Variants in LYST observed in about 807,000 individuals in gnomAD.
LYST encodes lysosomal-trafficking regulator.
Under a neutral mutation model 413.6 loss-of-function variants are expected in LYST, and 192 were observed. That is an observed-to-expected ratio of 0.46 (90% CI 0.41 to 0.52). The LOEUF (loss-of-function observed/expected upper bound fraction) is 0.52. Among genes scored for constraint, LYST ranks in the 20% least tolerant of loss-of-function variants. LYST has a pLI of 0.00. For synonymous variants in LYST, 1,525 were observed against 1,567.3 expected, an observed-to-expected ratio of 0.97 and a Z score of 0.64; for missense variants, 3,815 against 4,499.9, an observed-to-expected ratio of 0.85 and a Z score of 4.35.
Position 235,793,545 on chromosome 1 carries a change from T to C in LYST, c.4074A>G (p.Leu1358=). ...LMSSRTCSEE[L]TLLLRIFLEK... ...CCAGAAATATTCTCAAAAGAAGGGT[T>C]AGCTCTTCTGAACATGTTCTTGAAC... The change falls in exon 11 of 53, where the codon CTA becomes CTG. Residue 1358 remains leucine, a synonymous_variant. Transcript: ENST00000389793. The C allele has an allele frequency of 6.3e-7, 1 of 1,595,030 alleles. No homozygotes were observed. The highest frequency in any genetic ancestry group is 8.6e-7 in the Non-Finnish European group (1 of 1,165,044).
At chr1:235,779,782 T>TCAA (rs776444896) in intron 16 of LYST, among the ~76,000 whole-genome samples, 1 of 151,924 alleles carries the variant, frequency 6.6e-6, no homozygotes, top group Non-Finnish European at 1.5e-5. Flanking sequence ...TCCCCGCAAC[T>TCAA]CAACAACAAC....
intron 43 of LYST, among the ~76,000 whole-genome samples, chr1:235,710,702 G>T (rs1047301611): frequency 6.6e-6 from 1 of 152,194 alleles, no homozygotes; most frequent in Non-Finnish European, 1.5e-5. Flanking sequence ...AATCTGGGAA[G>T]ACACTTGTGA....
chr1:235,863,686 G>T (rs897684505), intron 1 of LYST, among the ~76,000 whole-genome samples: 1 of 152,112 alleles, frequency 6.6e-6, no homozygotes. Context: ...TGGTCCAAAA[G>T]AATTAAGAAG....
rs1282120719 is a variant in LYST, at chr1:235,854,230, C to T, written c.-98+12613G>A. 6.6e-6 allele frequency among the ~76,000 whole-genome samples: 1 copy of T among 152,184 alleles called. No homozygotes were observed. The highest frequency in any genetic ancestry group is 1.9e-4 in the East Asian group (1 of 5,194). On this transcript the variant is annotated intron_variant, in intron 1 of 52. Coordinates refer to ENST00000389793, the MANE Select transcript of LYST (RefSeq NM_000081.4). The surrounding 1 kb of genome is among the most constrained non-coding windows in gnomAD (Gnocchi z 4.1). ...TAGTTAGTTTAATCCTCCTAACAAT[C>T]TCCTAAGTAACATTATTATCCCTAG...
intron 3 of LYST, among the ~76,000 whole-genome samples, chr1:235,829,228 T>G (rs976654998): frequency 1.3e-5 from 2 of 152,164 alleles, no homozygotes; most frequent in African/African-American, 4.8e-5. Flanking sequence ...AACCTACAAA[T>G]GTCCTGAAAA....
chr1:235,854,007 C>T lies in LYST; in HGVS notation c.-98+12836G>A, dbSNP rs1678872705. Among the ~76,000 whole-genome samples the T allele has an allele frequency of 6.6e-6, 1 of 152,078 alleles. No homozygotes were observed. Among genetic ancestry groups the T allele is most frequent in the South Asian group, 2.1e-4 (1 of 4,818 alleles). The stretch of plus-strand genomic sequence containing the variant: ...ATTTAAAGGAACTATGAAGGTTCAT[C>T]CAGGTAAATCATCTCCCCGGCTTTC... On this transcript the variant is annotated intron_variant, in intron 1 of 52. Transcript: ENST00000389793. This position sits in a 1 kb window ranked among gnomAD's most constrained non-coding sequence, Gnocchi z 4.1.
At chr1:235,724,319 T>C (rs187410791) in intron 38 of LYST, 139 bp from the exon 39 acceptor site, 2 of 686,446 alleles carry the variant, frequency 2.9e-6, no homozygotes, top group African/African-American at 1.8e-5. Context: ...CTGAAAACTC[T>C]CCCAATGCAA....
chr1:235,838,348 AG>A (rs1676804350), intron 1 of LYST, among the ~76,000 whole-genome samples: 1 of 152,192 alleles, frequency 6.6e-6, no homozygotes, highest in African/African-American at 2.4e-5. Context: ...CATGTTCCCA[AG>A]TATAGAATGG....
chr1:235,724,225 T>A (rs1273168402), intron 38 of LYST, 45 bp from the exon 39 acceptor site: 2 of 1,486,506 alleles, frequency 1.3e-6, no homozygotes, highest in South Asian at 1.2e-5. Context: ...ACCGGAAATA[T>A]AAATAATTAC....
At chr1:235,678,028 C>T (rs2103037595) in intron 48 of LYST, among the ~76,000 whole-genome samples, 1 of 152,174 alleles carries the variant, frequency 6.6e-6, no homozygotes, top group South Asian at 2.1e-4. Flanking sequence ...TTGATAGACA[C>T]TTAAAATTGT....
chr1:235,801,015 T>A lies in LYST; in HGVS notation c.3795A>T (p.Glu1265Asp). 2.5e-6 allele frequency: 4 copies of A among 1,613,784 alleles called. No homozygotes were observed. The highest frequency in any genetic ancestry group is 3.4e-6 in the Non-Finnish European group (4 of 1,179,784). The change falls in exon 9 of 53, where the codon GAA becomes GAT. Residue 1265 changes from glutamate to aspartate, a missense_variant. Coordinates refer to ENST00000389793, the MANE Select transcript of LYST (RefSeq NM_000081.4). Reference sequence around the variant, plus strand: ...GCATACAAATCTCAGGATAAATTATTTCCCCTTGAGTGAGGTTTTCGAGTA... The same window carrying A: ...GCATACAAATCTCAGGATAAATTATATCCCCTTGAGTGAGGTTTTCGAGTA... Reference protein sequence around the residue: ...NDLLENLTQGEIIYPEICMLE... With the variant: ...NDLLENLTQGDIIYPEICMLE...
chr1:235,830,085 T>C (rs1675780783), intron 3 of LYST, 141 bp downstream of exon 3: 4 of 648,276 alleles, frequency 6.2e-6, no homozygotes, highest in Admixed American at 2.6e-5. Flanking sequence ...TATAAATAGG[T>C]CCACTTTTTT....
At chr1:235,802,830 T>C (rs1400223234) in intron 8 of LYST, 78 bp downstream of exon 8, 31 of 1,337,322 alleles carry the variant, frequency 2.3e-5, no homozygotes, top group Non-Finnish European at 3.3e-5. Flanking sequence ...AATTCTAAAG[T>C]GGTATTATTA....
intron 44 of LYST, among the ~76,000 whole-genome samples, chr1:235,706,588 T>C (rs2103111687): frequency 6.6e-6 from 1 of 152,330 alleles, no homozygotes; most frequent in South Asian, 2.1e-4. Context: ...ATCTGGGTTT[T>C]TGTTTTTCTT....
At chr1:235,670,379 C>G (rs989988911) in intron 50 of LYST, among the ~76,000 whole-genome samples, 2 of 152,176 alleles carry the variant, frequency 1.3e-5, no homozygotes, top group African/African-American at 4.8e-5. Flanking sequence ...AGTAAATGTG[C>G]CTTGCTGAGA....
At chr1:235,717,102 G>T (rs774441008) in intron 40 of LYST, among the ~76,000 whole-genome samples, 2 of 152,188 alleles carry the variant, frequency 1.3e-5, no homozygotes, top group Non-Finnish European at 2.9e-5. Flanking sequence ...GCTCGTGGGA[G>T]CAGATTCCTA....
intron 8 of LYST, among the ~76,000 whole-genome samples, chr1:235,802,371 C>T (rs540344915): frequency 5.3e-5 from 8 of 152,124 alleles, no homozygotes; most frequent in South Asian, 4.2e-4. Context: ...ATAGTTCCAT[C>T]CTAAAGACAA....
chr1:235,685,962 T>C (rs990525417), intron 48 of LYST, among the ~76,000 whole-genome samples: 12 of 151,372 alleles, frequency 7.9e-5, no homozygotes, highest in African/African-American at 2.7e-4. Context: ...ATAAAGAAAA[T>C]TATAATGGAA....
chr1:235,842,432 C>G (rs926970245), intron 1 of LYST, among the ~76,000 whole-genome samples: 2 of 152,124 alleles, frequency 1.3e-5, no homozygotes, highest in African/African-American at 4.8e-5. Flanking sequence ...AAGGTCCTTG[C>G]AGTTAAGTAA....
Sources: gnomAD v4.1 joint callset for allele counts (sites outside exome capture counted in the v4.1 genomes callset) on GRCh38, gnomAD v4.1.1 for gene constraint, Gnocchi (gnomAD v3.1) non-coding constraint, MANE v1.5 for transcripts, NCBI Gene and HGNC (gene_info 2026-07-23, HGNC 2026-07-21) for gene names.